NAA10: variants seen among roughly 807,000 people sequenced by gnomAD.
The protein encoded by NAA10 is N-alpha-acetyltransferase 10, NatA catalytic subunit.
Under a neutral mutation model 19.2 loss-of-function variants are expected in NAA10, and 6 were observed. The ratio of observed to expected loss-of-function variants is 0.31; its 90% CI spans 0.17 to 0.62. The LOEUF is 0.62. NAA10 is among the 20% of genes least tolerant of loss of function. The pLI is 0.83. For synonymous variants in NAA10, 97 were observed against 79.9 expected, an observed-to-expected ratio of 1.21 and a Z score of -1.14; for missense variants, 101 against 198.4, an observed-to-expected ratio of 0.51 and a Z score of 2.95.
At chrX:153,931,807 C>T in intron 6 of NAA10, 1 of 1,079,009 alleles carries the variant, frequency 9.3e-7, no homozygotes, top group Non-Finnish European at 1.2e-6. Context: ...GTGCCCTTCG[C>T]CAGCCTCAGC....
At chrX:153,931,621 C>T in intron 6 of NAA10, 4 of 848,053 alleles carry the variant, frequency 4.7e-6, no homozygotes, top group South Asian at 3.9e-5. Flanking sequence ...GCAGACCTCC[C>T]CCATCCACTA....
rs781916695 is a variant in NAA10 at position 153,930,771 on chromosome X, C to T, written c.463G>A (p.Ala155Thr). 1.7e-6 allele frequency: 2 copies of T among 1,211,978 alleles called. No homozygotes were observed. The highest frequency in any genetic ancestry group is 3.5e-5 in the South Asian group (2 of 57,058). ...YAMKRDLTQM[A>T]DELRRHLELK... ...TTCATGCAGGCGCTTACCTCGTCGG[C>T]CATCTGAGTGAGGTCCCGCTTCATG... Residue 155 changes from alanine (A) to threonine (T), a missense_variant, in exon 7 of 8, where the codon GCC (alanine) becomes ACC (threonine). This residue lies in a region of NAA10 where 58 missense variants were observed against 75.8 expected (regional missense o/e 0.77). Coordinates refer to ENST00000464845, the MANE Select transcript of NAA10 (RefSeq NM_003491.4).
intron 6 of NAA10, 57 bp downstream of exon 6, chrX:153,932,012 CCT>C: frequency 8.3e-7 from 1 of 1,211,875 alleles, no homozygotes; most frequent in Non-Finnish European, 1.1e-6. Flanking sequence ...TCTCAGGTGC[CCT>C]GATGGGCCAG....
chrX:153,932,048 T>G (rs782708207), intron 6 of NAA10, 23 bp downstream of exon 6: 2 of 1,211,337 alleles, frequency 1.7e-6, no homozygotes, highest in African/African-American at 3.5e-5. Flanking sequence ...CCCAGCCCAT[T>G]AGAAAAATCG....
At chrX:153,931,729 G>C (rs1241582295) in intron 6 of NAA10, 13 of 978,059 alleles carry the variant, frequency 1.3e-5, no homozygotes, top group Non-Finnish European at 1.7e-5. Flanking sequence ...CTTGAGTCCT[G>C]CTCCTCAGCA....
Position 153,934,957 on chromosome X carries a change from C to T in NAA10, c.-53G>A. 1 of 952,513 alleles carries T rather than the reference C, an allele frequency of 1.0e-6. No homozygotes were observed. The allele number at this position is 952,513 out of a possible 1,213,427, so 78.5% of individuals were successfully genotyped here. A position where few individuals can be genotyped will look rare whatever the true frequency, so the allele number is the denominator to read the frequency against. Reference sequence around the variant, plus strand: ...CGGATCGTGAAGGCGCAGTCAGCTGCCGCCGCGCTCCGAAGCGACGCCGGG... The same window carrying T: ...CGGATCGTGAAGGCGCAGTCAGCTGTCGCCGCGCTCCGAAGCGACGCCGGG... On this transcript the variant is annotated 5_prime_UTR_variant, in exon 1 of 8. Transcript: ENST00000464845.
At chrX:153,932,290 C>A (rs1557107512) in intron 5 of NAA10, 26 bp downstream of exon 5, 1 of 1,181,075 alleles carries the variant, frequency 8.5e-7, no homozygotes, top group South Asian at 1.8e-5. Flanking sequence ...CCCCCTCAAT[C>A]CCCCTTCCCT....
In NAA10 at chrX:153,930,017, G is replaced by T. The variant is rs781810669; in HGVS notation, c.678C>A (p.Asp226Glu). 4 of 1,208,871 alleles carry T rather than the reference G, an allele frequency of 3.3e-6. No individual in the cohort carries two copies. The African/African-American group carries it at 7.0e-5, about 21-fold the overall frequency. ...SETTESTDVK[D>E]SSEASDSAS The stretch of plus-strand genomic sequence containing the variant: ...AGGCTGAGTCGGAGGCCTCTGAGCT[G>T]TCCTTGACATCTGTGCTCTCTGTGG... The change falls in exon 8 of 8, where the codon GAC (aspartate) becomes GAA (glutamate). Residue 226 changes from aspartate (D) to glutamate (E), a missense_variant. Transcript: ENST00000464845.
intron 6 of NAA10, chrX:153,931,181 A>G: frequency 1.0e-6 from 1 of 952,801 alleles, no homozygotes; most frequent in Non-Finnish European, 1.3e-6. Flanking sequence ...CTGCCTCACA[A>G]CAGCCATCAG....
Position 153,934,459 on chromosome X carries a change from T to C in NAA10, c.38A>G (p.Asn13Ser). The change falls in exon 2 of 8, where the codon AAC becomes AGC. Residue 13 changes from asparagine to serine, a missense_variant. Coordinates refer to ENST00000464845, the MANE Select transcript of NAA10 (RefSeq NM_003491.4). ...GCAGAGGAGGTTGCAGTGCTGCATG[T>C]TCATTAGGTCCTCTGGCTGCAGGGA... is the stretch of plus-strand genomic sequence containing the variant. ...IRNARPEDLM[N>S]MQHCNLLCLP... 1 of 1,202,507 alleles carries C rather than the reference T, an allele frequency of 8.3e-7. No homozygotes were observed. Among genetic ancestry groups the C allele is most frequent in the Non-Finnish European group, 1.1e-6 (1 of 889,520 alleles).
chrX:153,934,694 G>A, intron 1 of NAA10, 190 bp downstream of exon 1: 1 of 588,199 alleles, frequency 1.7e-6, no homozygotes, highest in Admixed American at 3.1e-5. Flanking sequence ...CACGCAAACA[G>A]GAGGGAATCG....
intron 6 of NAA10, chrX:153,931,823 T>A (rs1557107415): frequency 3.7e-6 from 4 of 1,085,550 alleles, no homozygotes. Flanking sequence ...TCAGCCATCA[T>A]GGGCCAGAGC....
At chrX:153,933,294 G>A in intron 3 of NAA10, among the ~76,000 whole-genome samples, 1 of 112,246 alleles carries the variant, frequency 8.9e-6, no homozygotes, top group Non-Finnish European at 1.9e-5. Flanking sequence ...TAATATGAAG[G>A]TGGACACATG....
At position 153,930,098 on chromosome X, in the gene NAA10, G is replaced by T; in HGVS notation, c.597C>A (p.Gly199=). The T allele has an allele frequency of 8.3e-7, 1 of 1,211,132 alleles. No individual in the cohort carries two copies. Among genetic ancestry groups the T allele is most frequent in the Non-Finnish European group, 1.1e-6 (1 of 895,289 alleles). ...CCCCACCACTATCCTCGGCAGCCAGGCCCTTCTCCTCGCGACAGGCCTCTC... is the reference window on the plus strand; with the variant it reads ...CCCCACCACTATCCTCGGCAGCCAGTCCCTTCTCCTCGCGACAGGCCTCTC... ...SSGEACREEK[G]LAAEDSGGDS... Residue 199 remains glycine (G), a synonymous_variant, in exon 8 of 8, where the codon GGC becomes GGA. Transcript: ENST00000464845.
At position 153,929,662 on chromosome X, in the gene NAA10, C is replaced by T; in HGVS notation, c.*325G>A. 3.3e-6 allele frequency: 1 copy of T among 307,034 alleles called. No homozygotes were observed. The highest frequency in any genetic ancestry group is 5.6e-5 in the Admixed American group (1 of 17,747). The allele number at this position is 307,034 out of a possible 1,213,427, so 25.3% of individuals were successfully genotyped here. ...CCTGCTGTTGAGCTTTGAGCCTGAG[C>T]AGCCCCGGCTTGTGCCACAAAACAC... is the stretch of plus-strand genomic sequence containing the variant. On this transcript the variant is annotated 3_prime_UTR_variant, in exon 8 of 8. Transcript: ENST00000464845.
In NAA10 at chrX:153,934,886, T is replaced by A; in HGVS notation, c.19A>T (p.Arg7Trp). 1 of 1,007,581 alleles carries A rather than the reference T, an allele frequency of 9.9e-7. No homozygotes were observed. The highest frequency in any genetic ancestry group is 1.3e-6 in the Non-Finnish European group (1 of 788,511). The allele number at this position is 1,007,581 out of a possible 1,213,427, so 83.0% of individuals were successfully genotyped here. MNIRNA[R>W]PEDLMNMQHC... Reference sequence around the variant, plus strand: ...AGCCTCCCGCCCCGGGCGCTCACCCTCGCATTGCGGATGTTCATAACGGCG... The same window carrying A: ...AGCCTCCCGCCCCGGGCGCTCACCCACGCATTGCGGATGTTCATAACGGCG... Residue 7 changes from arginine to tryptophan, a missense_variant and splice_region_variant, in exon 1 of 8, where the codon AGG (arginine) becomes TGG (tryptophan). Coordinates refer to ENST00000464845, the MANE Select transcript of NAA10 (RefSeq NM_003491.4).
chrX:153,930,038 T>C lies in NAA10; in HGVS notation c.657A>G (p.Thr219=). The C allele has an allele frequency of 8.3e-7, 1 of 1,211,446 alleles. No homozygotes were observed. The highest frequency in any genetic ancestry group is 1.8e-5 in the South Asian group (1 of 56,940). The change falls in exon 8 of 8, where the codon ACA becomes ACG. Residue 219 remains threonine (T), a synonymous_variant. Transcript: ENST00000464845. ...SKDLSEVSET[T]ESTDVKDSSE... is the part of the protein sequence containing the mutation. ...AGCTGTCCTTGACATCTGTGCTCTC[T>C]GTGGTCTCGCTGACCTCGCTGAGGT...
Position 153,930,123 on chromosome X carries a change from C to T in NAA10, c.572G>A (p.Gly191Glu). Reference sequence around the variant, plus strand: ...GCCCTTCTCCTCGCGACAGGCCTCTCCTGAGCTCGGAGGTGAATTGCCTTT... The same window carrying T: ...GCCCTTCTCCTCGCGACAGGCCTCTTCTGAGCTCGGAGGTGAATTGCCTTT... ...ESKGNSPPSS[G>E]EACREEKGLA... is the part of the protein sequence containing the mutation. The change falls in exon 8 of 8, where the codon GGA becomes GAA. Residue 191 changes from glycine (G) to glutamate (E), a missense_variant. Transcript: ENST00000464845. The T allele has an allele frequency of 8.3e-7, 1 of 1,211,451 alleles. No homozygotes were observed. The highest frequency in any genetic ancestry group is 1.1e-6 in the Non-Finnish European group (1 of 895,431).
At position 153,934,428 on chromosome X, in the gene NAA10, G is replaced by A. The variant is rs782217626; in HGVS notation, c.69C>T (p.Pro23=). The part of the protein sequence containing the change: ...NMQHCNLLCL[P]ENYQMKYYFY... ...AGTAGTATTTCATCTGGTAGTTCTC[G>A]GGCAGGCAGAGGAGGTTGCAGTGCT... Residue 23 remains proline (P), a synonymous_variant, in exon 2 of 8, where the codon CCC becomes CCT. Coordinates refer to ENST00000464845, the MANE Select transcript of NAA10 (RefSeq NM_003491.4). The A allele has an allele frequency of 7.4e-6, 9 of 1,208,672 alleles. No individual in the cohort carries two copies. Among genetic ancestry groups the A allele is most frequent in the South Asian group, 3.5e-5 (2 of 56,366 alleles).
Sources: gnomAD v4.1 joint callset for allele counts (sites outside exome capture counted in the v4.1 genomes callset) on GRCh38, gnomAD v4.1.1 for gene constraint, gnomAD v4.1.1 regional missense constraint, MANE v1.5 for transcripts, NCBI Gene and HGNC (gene_info 2026-07-23, HGNC 2026-07-21) for gene names.